CTNND2: variants seen among roughly 807,000 people sequenced by gnomAD.
CTNND2 encodes the protein catenin delta 2.
A neutral mutation model predicts 144.4 loss-of-function variants in CTNND2; 22 were observed. The observed-to-expected ratio is 0.15, with a 90% CI of 0.11 to 0.22. CTNND2 has a LOEUF of 0.22. Ranked by LOEUF, CTNND2 falls within the 10% of genes least tolerant of loss-of-function variation. CTNND2 has a pLI of 1.00. For missense variants in CTNND2, 1,353 were observed against 1,618.8 expected (o/e 0.84, Z 2.82); for synonymous variants, 751 against 695.6 (o/e 1.08, Z -1.25).
chr5:11,788,783 C>T (rs922448519), intron 1 of CTNND2, among the ~76,000 whole-genome samples: 2 of 151,660 alleles, frequency 1.3e-5, no homozygotes, highest in Non-Finnish European at 2.9e-5. Flanking sequence ...CACTCATTAA[C>T]TCGTCATTTA....
chr5:11,305,841 G>A (rs185453405), intron 9 of CTNND2, among the ~76,000 whole-genome samples: 40 of 152,338 alleles, frequency 2.6e-4, no homozygotes, highest in Non-Finnish European at 5.3e-4. Context: ...TTGGCCAAGT[G>A]AGAAACATGG....
At chr5:11,108,191 G>T in intron 14 of CTNND2, among the ~76,000 whole-genome samples, 1 of 152,304 alleles carries the variant, frequency 6.6e-6, no homozygotes, top group Non-Finnish European at 1.5e-5. Context: ...AGTGAGTGGG[G>T]AAAGGGAGGG....
intron 1 of CTNND2, among the ~76,000 whole-genome samples, chr5:11,737,594 C>T (rs774289364): frequency 7.9e-5 from 12 of 152,272 alleles, no homozygotes; most frequent in South Asian, 2.1e-4. Context: ...GGGTGCAAGT[C>T]ACCCTGCTCT....
intron 2 of CTNND2, among the ~76,000 whole-genome samples, chr5:11,676,484 G>T (rs769598235): frequency 9.2e-5 from 14 of 151,782 alleles, no homozygotes; most frequent in Non-Finnish European, 1.8e-4. Flanking sequence ...GGAAGAGCTC[G>T]CAAAAGAGAT....
At chr5:11,511,838 C>T (rs1247828633) in intron 3 of CTNND2, among the ~76,000 whole-genome samples, 1 of 152,122 alleles carries the variant, frequency 6.6e-6, no homozygotes, top group Non-Finnish European at 1.5e-5. Context: ...ACTACAAACA[C>T]GCAGCTCACT....
chr5:11,312,868 T>A (rs1421131583), intron 9 of CTNND2, among the ~76,000 whole-genome samples: 5 of 152,210 alleles, frequency 3.3e-5, no homozygotes, highest in Non-Finnish European at 7.3e-5. Context: ...GCTTGTGGCA[T>A]TTTACCCTTC....
intron 2 of CTNND2, among the ~76,000 whole-genome samples, chr5:11,662,178 C>CAT (rs531561373): frequency 7.5e-5 from 9 of 120,392 alleles, no homozygotes; most frequent in South Asian, 5.2e-4. Context: ...TGTATATATA[C>CAT]ATATATGTGT....
chr5:11,126,453 A>C (rs577377120), intron 12 of CTNND2, among the ~76,000 whole-genome samples: 1 of 152,332 alleles, frequency 6.6e-6, no homozygotes, highest in African/African-American at 2.4e-5. Flanking sequence ...TTCTAGGAAG[A>C]TAAAATAGCA....
chr5:11,526,946 G>A (rs527458675), intron 3 of CTNND2, among the ~76,000 whole-genome samples: 1 of 152,130 alleles, frequency 6.6e-6, no homozygotes, highest in Non-Finnish European at 1.5e-5. Flanking sequence ...CAATATAGAT[G>A]AATCTTAATG....
At chr5:11,225,676 C>T (rs1740256125) in intron 10 of CTNND2, among the ~76,000 whole-genome samples, 1 of 152,140 alleles carries the variant, frequency 6.6e-6, no homozygotes, top group Non-Finnish European at 1.5e-5. Context: ...GTGATCCAAC[C>T]CTGGGATATT....
intron 10 of CTNND2, among the ~76,000 whole-genome samples, chr5:11,207,038 A>G (rs1738117603): frequency 6.6e-6 from 1 of 152,238 alleles, no homozygotes; most frequent in Non-Finnish European, 1.5e-5. Context: ...CATATATACC[A>G]TGGACTACTA....
chr5:11,018,568 C>T (rs1304893677), intron 17 of CTNND2, among the ~76,000 whole-genome samples: 5 of 152,122 alleles, frequency 3.3e-5, no homozygotes, highest in Non-Finnish European at 7.3e-5. Flanking sequence ...AAAGTGCTAC[C>T]CCAGTGAACA....
intron 6 of CTNND2, among the ~76,000 whole-genome samples, chr5:11,396,415 C>T (rs1204370252): frequency 3.3e-5 from 5 of 151,868 alleles, no homozygotes; most frequent in African/African-American, 1.2e-4. Context: ...CTTCTTTTTA[C>T]CAAGAGTTGG....
chr5:11,535,770 C>G (rs565505439), intron 3 of CTNND2, among the ~76,000 whole-genome samples: 1 of 152,142 alleles, frequency 6.6e-6, no homozygotes, highest in Non-Finnish European at 1.5e-5. Flanking sequence ...CTTTATTCCC[C>G]CCGGTGTTAC....
At chr5:11,505,214 G>A (rs1462380261) in intron 3 of CTNND2, among the ~76,000 whole-genome samples, 2 of 147,924 alleles carry the variant, frequency 1.4e-5, no homozygotes, top group African/African-American at 2.5e-5. Flanking sequence ...AAAAAAAGTC[G>A]AGAAAGTCTC....
intron 3 of CTNND2, among the ~76,000 whole-genome samples, chr5:11,418,107 T>C (rs956303818): frequency 6.6e-6 from 1 of 152,012 alleles, no homozygotes; most frequent in Non-Finnish European, 1.5e-5. Context: ...AGATATCGGT[T>C]TGAAAAGAGC....
chr5:11,455,936 G>T (rs1765698555), intron 3 of CTNND2, among the ~76,000 whole-genome samples: 1 of 152,108 alleles, frequency 6.6e-6, no homozygotes, highest in Non-Finnish European at 1.5e-5. Flanking sequence ...TTCCCCAATG[G>T]TGATGGGAAT....
chr5:11,579,480 G>A (rs756769608), intron 2 of CTNND2, among the ~76,000 whole-genome samples: 5 of 152,064 alleles, frequency 3.3e-5, no homozygotes, highest in African/African-American at 7.2e-5. Flanking sequence ...TTGTCACACC[G>A]TAGACAAGCT....
At chr5:11,361,014 AGTTT>A (rs1394063417) in intron 8 of CTNND2, among the ~76,000 whole-genome samples, 40 of 152,194 alleles carry the variant, frequency 2.6e-4, no homozygotes, top group African/African-American at 8.9e-4. Context: ...TACGTATGAA[AGTTT>A]GTTTATTTAT....
Sources: gnomAD v4.1 joint callset for allele counts (sites outside exome capture counted in the v4.1 genomes callset) on GRCh38, gnomAD v4.1.1 for gene constraint, MANE v1.5 for transcripts, NCBI Gene and HGNC (gene_info 2026-07-23, HGNC 2026-07-21) for gene names.